POGLUT3: variants seen among roughly 807,000 people sequenced by gnomAD.
POGLUT3 encodes KDEL (Lys-Asp-Glu-Leu) containing 2.
In POGLUT3, 48 loss-of-function variants were observed where a neutral mutation model predicts 54.3. The observed-to-expected ratio is 0.88, with a 90% CI of 0.70 to 1.12. The LOEUF (loss-of-function observed/expected upper bound fraction) is 1.12. Ranked by LOEUF, POGLUT3 falls within the 50% of genes most tolerant of loss-of-function variation. The pLI is 0.00. For missense variants in POGLUT3, 629 were observed against 618.7 expected (o/e 1.02, Z -0.18); for synonymous variants, 218 against 237.4 (o/e 0.92, Z 0.75).
chr11:108,494,295 A>G (rs1417753685), intron 1 of POGLUT3, among the ~76,000 whole-genome samples: 1 of 152,182 alleles, frequency 6.6e-6, no homozygotes, highest in Non-Finnish European at 1.5e-5. Context: ...AAGGCCCTCT[A>G]CAGCTGCAGC....
At chr11:108,495,086 G>A (rs960223341) in intron 1 of POGLUT3, among the ~76,000 whole-genome samples, 3 of 150,542 alleles carry the variant, frequency 2.0e-5, no homozygotes, top group East Asian at 1.9e-4. Context: ...TTGGATATAT[G>A]TAGCATAATA....
In POGLUT3 at chr11:108,477,575, C is replaced by G. The variant is rs1014213684; in HGVS notation, c.1398+32G>C. ...AAGCGGGTAGTCTGAGGACACCCGA[C>G]CCAGCAGTGTGGACGGACACTCTGA... On this transcript the variant is annotated intron_variant, in intron 7 of 7. Coordinates refer to ENST00000323468, the MANE Select transcript of POGLUT3 (RefSeq NM_153705.5). 3.6e-6 allele frequency: 5 copies of G among 1,372,946 alleles called. No homozygotes were observed. The African/African-American group carries it at 7.2e-5, about 20-fold the overall frequency. 85.0% of individuals were successfully genotyped at this position (1,372,946 alleles called of 1,614,324 possible). A position where few individuals can be genotyped will look rare whatever the true frequency, so the allele number is the denominator to read the frequency against.
chr11:108,475,456 TTTTTTTGTTTTTG>T (rs1232746327), intron 7 of POGLUT3, among the ~76,000 whole-genome samples: 2 of 125,152 alleles, frequency 1.6e-5, no homozygotes, highest in African/African-American at 6.4e-5. Context: ...TAAATGGAGT[TTTTTTTGTTTTTG>T]TTTTTTTTTT....
At chr11:108,481,145 G>T in intron 5 of POGLUT3, 35 bp downstream of exon 5, 1 of 1,489,918 alleles carries the variant, frequency 6.7e-7, no homozygotes, top group Non-Finnish European at 9.0e-7. Flanking sequence ...CAATTTTATC[G>T]CTTCATATCC....
chr11:108,480,124 C>T (rs984615702), intron 5 of POGLUT3, among the ~76,000 whole-genome samples: 1 of 152,264 alleles, frequency 6.6e-6, no homozygotes, highest in Admixed American at 6.5e-5. Flanking sequence ...GCGTGAACCA[C>T]TACGCCCAGC....
chr11:108,477,695 G>A lies in POGLUT3; in HGVS notation c.1310C>T (p.Ala437Val). The A allele has an allele frequency of 1.2e-6, 2 of 1,610,358 alleles. No individual in the cohort carries two copies. The highest frequency in any genetic ancestry group is 1.7e-6 in the Non-Finnish European group (2 of 1,176,966). ...VKWAKENDEE[A>V]KKIAKEGQLM... Reference sequence around the variant, plus strand: ...CTGTCCTTCTTTTGCAATCTTCTTGGCTTCTTCATCATTTTCCTGAAAGGT... The same window carrying A: ...CTGTCCTTCTTTTGCAATCTTCTTGACTTCTTCATCATTTTCCTGAAAGGT... The change falls in exon 7 of 8, where the codon GCC becomes GTC. Residue 437 changes from alanine to valine, a missense_variant. Coordinates refer to ENST00000323468, the MANE Select transcript of POGLUT3 (RefSeq NM_153705.5).
chr11:108,494,133 A>G lies in POGLUT3; in HGVS notation c.203-2966T>C, dbSNP rs1009482940. Among the ~76,000 whole-genome samples the G allele has an allele frequency of 5.3e-5, 8 of 152,346 alleles. No individual in the cohort carries two copies. The Middle Eastern group carries it at 0.01, about 194-fold the overall frequency. The stretch of plus-strand genomic sequence containing the variant: ...TATAGATCAAGAAACCAATGCTCCA[A>G]GAAATAAAGTAACTTGCCCAAGGTC... On this transcript the variant is annotated intron_variant, in intron 1 of 7. Transcript: ENST00000323468.
Position 108,474,796 on chromosome 11 carries a change from G to A in POGLUT3, c.*31C>T, listed in dbSNP as rs769637702. On this transcript the variant is annotated 3_prime_UTR_variant, in exon 8 of 8. Coordinates refer to ENST00000323468, the MANE Select transcript of POGLUT3 (RefSeq NM_153705.5). ...TTCAATCTTTCCTTAAAGTGTAGCC[G>A]GGATACACAGGAGTGTGATTCTGGG... 1.9e-5 allele frequency: 31 copies of A among 1,612,240 alleles called. No individual in the cohort carries two copies. Among genetic ancestry groups the A allele is most frequent in the African/African-American group, 2.7e-5 (2 of 74,790 alleles).
In POGLUT3 at chr11:108,481,332, T is replaced by G; in HGVS notation, c.946A>C (p.Arg316=). 1 of 1,604,482 alleles carries G rather than the reference T, an allele frequency of 6.2e-7. No homozygotes were observed. Among genetic ancestry groups the G allele is most frequent in the Non-Finnish European group, 8.5e-7 (1 of 1,177,510 alleles). The change falls in exon 5 of 8, where the codon AGA becomes CGA. Residue 316 remains arginine, a synonymous_variant. Transcript: ENST00000323468. ...TGGAGCCTCTCCTCTCGGCTGTCTC[T>G]ACCTCTGAAGAAAGCTCTCTCTGTT... ...NKTERAFFRG[R]DSREERLQLV... is the part of the protein sequence containing the mutation.
At chr11:108,476,009 G>T (rs2093580992) in intron 7 of POGLUT3, among the ~76,000 whole-genome samples, 1 of 152,124 alleles carries the variant, frequency 6.6e-6, no homozygotes. Context: ...GCTGAGTGTG[G>T]TGGTGTAGTC....
intron 2 of POGLUT3, chr11:108,487,020 C>T (rs12801988): frequency 0.35 from 52,668 of 152,194 alleles, 9,771 homozygotes; most frequent in East Asian, 0.51. Context: ...TTTGCAATCT[C>T]CTCTGTCGCC....
chr11:108,486,748 G>A, intron 2 of POGLUT3: 2 of 290,104 alleles, frequency 6.9e-6, no homozygotes, highest in East Asian at 6.1e-5. Context: ...CTTTTAGCAA[G>A]GAGAAAAAGA....
At chr11:108,498,109 C>A in intron 1 of POGLUT3, 56 bp downstream of exon 1, 1 of 1,419,552 alleles carries the variant, frequency 7.0e-7, no homozygotes. Flanking sequence ...TCCCGGGCGG[C>A]GGGGACGCGC....
Position 108,486,194 on chromosome 11 carries a change from A to G in POGLUT3, c.647T>C (p.Met216Thr). Residue 216 changes from methionine (M) to threonine (T), a missense_variant, in exon 3 of 8, where the codon ATG becomes ACG. Met to Thr is a moderately conservative substitution (Grantham distance 81). Transcript: ENST00000323468. ...RSLGKYTDFK[M>T]FSDEILLSLT... ...TGATAACAAAATCTCATCAGAGAAC[A>G]TCTTGAAGTCTGTGTATTTCCCTAA... 1.2e-6 allele frequency: 2 copies of G among 1,613,330 alleles called. No individual in the cohort carries two copies. The highest frequency in any genetic ancestry group is 2.2e-5 in the South Asian group (2 of 91,054).
intron 4 of POGLUT3, among the ~76,000 whole-genome samples, 175 bp downstream of exon 4, chr11:108,481,831 T>C (rs1245595312): frequency 6.6e-6 from 1 of 152,160 alleles, no homozygotes; most frequent in Admixed American, 6.6e-5. Flanking sequence ...TTACAAAGGG[T>C]GACCAGAAAA....
At chr11:108,486,672 G>T in intron 2 of POGLUT3, 1 of 478,742 alleles carries the variant, frequency 2.1e-6, no homozygotes, top group Non-Finnish European at 3.7e-6. Context: ...ACCTACTCTC[G>T]GTCACTTAGC....
At chr11:108,493,277 G>A (rs531999348) in intron 1 of POGLUT3, among the ~76,000 whole-genome samples, 1 of 152,198 alleles carries the variant, frequency 6.6e-6, no homozygotes, top group East Asian at 1.9e-4. Flanking sequence ...TATAGCCATT[G>A]GAAATATATA....
In POGLUT3 at chr11:108,474,460, T is replaced by A. The variant is rs1423342018; in HGVS notation, c.*367A>T. The stretch of plus-strand genomic sequence containing the variant: ...CTTTGCTTTCTGACAGTTCAATGTA[T>A]ACAAACTTTGTTTCATGCACAAATT... On this transcript the variant is annotated 3_prime_UTR_variant, in exon 8 of 8. Coordinates refer to ENST00000323468, the MANE Select transcript of POGLUT3 (RefSeq NM_153705.5). 1 of 153,542 alleles carries A rather than the reference T, an allele frequency of 6.5e-6. No individual in the cohort carries two copies. The highest frequency in any genetic ancestry group is 2.4e-5 in the African/African-American group (1 of 41,514). 9.5% of individuals were successfully genotyped at this position (153,542 alleles called of 1,614,324 possible).
chr11:108,492,159 G>A (rs1259464180), intron 1 of POGLUT3, among the ~76,000 whole-genome samples: 2 of 152,028 alleles, frequency 1.3e-5, no homozygotes, highest in Non-Finnish European at 2.9e-5. Context: ...TGTTTCCTCA[G>A]CTTGAAATGA....
Sources: gnomAD v4.1 joint callset for allele counts (sites outside exome capture counted in the v4.1 genomes callset) on GRCh38, gnomAD v4.1.1 for gene constraint, MANE v1.5 for transcripts, NCBI Gene and HGNC (gene_info 2026-07-23, HGNC 2026-07-21) for gene names.